The following KCNIP4 variants were observed in gnomAD, a reference collection of about 807,000 sequenced individuals.
The protein encoded by KCNIP4 is potassium voltage-gated channel interacting protein 4.
A neutral mutation model predicts 34.0 loss-of-function variants in KCNIP4; 12 were observed. That is an observed-to-expected ratio of 0.35 (90% CI 0.23 to 0.57). The LOEUF (loss-of-function observed/expected upper bound fraction) is 0.57, where lower values mean the gene tolerates loss of function less well. KCNIP4 is among the 20% of genes least tolerant of loss of function. The pLI is 0.83. For missense variants in KCNIP4, 238 were observed against 311.7 expected, an observed-to-expected ratio of 0.76 and a Z score of 1.78; for synonymous variants, 124 against 102.2, an observed-to-expected ratio of 1.21 and a Z score of -1.29.
At chr4:21,453,129 T>A (rs1271820860) in intron 1 of KCNIP4, among the ~76,000 whole-genome samples, 1 of 151,942 alleles carries the variant, frequency 6.6e-6, no homozygotes, top group Non-Finnish European at 1.5e-5. Context: ...TTCACAGGAA[T>A]GTGTGAGTCA....
intron 1 of KCNIP4, among the ~76,000 whole-genome samples, chr4:21,091,113 T>C (rs1387057186): frequency 6.6e-6 from 1 of 152,196 alleles, no homozygotes; most frequent in Admixed American, 6.5e-5. Context: ...TATTTCTCTG[T>C]CCTTGAATAC....
intron 1 of KCNIP4, among the ~76,000 whole-genome samples, chr4:21,216,981 C>A (rs143847813): frequency 1.6e-4 from 24 of 152,152 alleles, no homozygotes; most frequent in Non-Finnish European, 1.8e-4. Context: ...ACTCTGAATA[C>A]CTATTGTGAT....
chr4:21,154,768 T>G (rs993526053), intron 1 of KCNIP4, among the ~76,000 whole-genome samples: 37 of 152,208 alleles, frequency 2.4e-4, no homozygotes, highest in Admixed American at 2.2e-3. Context: ...TAAATGGAAC[T>G]CCTTCAGCTG....
intron 5 of KCNIP4, among the ~76,000 whole-genome samples, chr4:20,735,118 C>A (rs6447977): frequency 0.33 from 49,947 of 151,762 alleles, 8,664 homozygotes; most frequent in African/African-American, 0.43. Flanking sequence ...CAATGAAAAA[C>A]CGTTTGCTAA....
chr4:21,625,646 A>C (rs1745269726), intron 1 of KCNIP4, among the ~76,000 whole-genome samples: 1 of 152,194 alleles, frequency 6.6e-6, no homozygotes, highest in Non-Finnish European at 1.5e-5. Flanking sequence ...AACAAAAGCC[A>C]GGTCTGCCCT....
intron 1 of KCNIP4, among the ~76,000 whole-genome samples, chr4:21,877,768 G>A (rs527766136): frequency 3.2e-4 from 48 of 152,234 alleles, no homozygotes; most frequent in African/African-American, 1.1e-3. Context: ...GTGTTCTCTA[G>A]TCCTGCTTCT....
At chr4:21,604,809 T>C (rs115831546) in intron 1 of KCNIP4, among the ~76,000 whole-genome samples, 6 of 151,996 alleles carry the variant, frequency 3.9e-5, no homozygotes, top group Non-Finnish European at 1.5e-5. Flanking sequence ...AAAATCACTG[T>C]GGGACAAAGA....
intron 1 of KCNIP4, among the ~76,000 whole-genome samples, chr4:21,630,346 T>C (rs1263718682): frequency 2.0e-5 from 3 of 151,618 alleles, no homozygotes; most frequent in African/African-American, 7.3e-5. Context: ...ATGCCTGTCA[T>C]CCTAGCTACT....
At chr4:21,180,422 A>G (rs1754754781) in intron 1 of KCNIP4, among the ~76,000 whole-genome samples, 1 of 152,056 alleles carries the variant, frequency 6.6e-6, no homozygotes, top group South Asian at 2.1e-4. Flanking sequence ...AATATTAAAG[A>G]ATTTTTTTAT....
chr4:21,173,702 G>A (rs1346976809), intron 1 of KCNIP4, among the ~76,000 whole-genome samples: 1 of 152,150 alleles, frequency 6.6e-6, no homozygotes, highest in Non-Finnish European at 1.5e-5. Context: ...CGTGACAGTA[G>A]GTCCAGTGCT....
intron 1 of KCNIP4, among the ~76,000 whole-genome samples, chr4:21,144,254 A>G (rs188518603): frequency 9.2e-4 from 140 of 152,294 alleles, no homozygotes; most frequent in East Asian, 3.3e-3. Context: ...TCTTTGAACC[A>G]GTTGTAACAT....
At chr4:21,476,005 A>G (rs192791649) in intron 1 of KCNIP4, among the ~76,000 whole-genome samples, 444 of 152,270 alleles carry the variant, frequency 2.9e-3, no homozygotes, top group African/African-American at 0.01. Flanking sequence ...AAAGAAAAAA[A>G]TAAACTCATT....
chr4:21,918,753 T>C (rs1191350927), intron 1 of KCNIP4, among the ~76,000 whole-genome samples: 2 of 152,182 alleles, frequency 1.3e-5, no homozygotes, highest in African/African-American at 4.8e-5. Flanking sequence ...CAGTGTCCGG[T>C]CAGATCACTA....
chr4:21,322,013 G>C (rs554977670), intron 1 of KCNIP4, among the ~76,000 whole-genome samples: 2 of 145,194 alleles, frequency 1.4e-5, no homozygotes, highest in East Asian at 4.3e-4. Flanking sequence ...AGGAAGGAAG[G>C]AGGGAGGGAG....
intron 1 of KCNIP4, among the ~76,000 whole-genome samples, chr4:21,131,149 C>T (rs1018896590): frequency 7.9e-5 from 12 of 152,058 alleles, no homozygotes; most frequent in African/African-American, 2.9e-4. Context: ...AAAGCAAAAG[C>T]AATCATCAAT....
At position 21,374,102 on chromosome 4, in the gene KCNIP4, A is replaced by G. The variant is rs1720745596; in HGVS notation, c.62-491393T>C. Reference sequence around the variant, plus strand: ...AGAATTACTGTAACAATTGCAATAGAGAAAGGATTGCTACATCGATATTAA... The same window carrying G: ...AGAATTACTGTAACAATTGCAATAGGGAAAGGATTGCTACATCGATATTAA... On this transcript the variant is annotated intron_variant, in intron 1 of 8. Coordinates refer to ENST00000382152, the MANE Select transcript of KCNIP4 (RefSeq NM_025221.6). Among the ~76,000 whole-genome samples the G allele has an allele frequency of 2.0e-5, 3 of 147,594 alleles. 1 individual carries two copies. The South Asian group carries it at 6.3e-4, about 31-fold the overall frequency.
At chr4:21,496,212 C>T (rs545448192) in intron 1 of KCNIP4, among the ~76,000 whole-genome samples, 1 of 152,056 alleles carries the variant, frequency 6.6e-6, no homozygotes, top group Non-Finnish European at 1.5e-5. Context: ...GAGAGTGAGA[C>T]TACAGGTAAT....
chr4:21,157,576 A>T (rs1048999204), intron 1 of KCNIP4, among the ~76,000 whole-genome samples: 2 of 152,182 alleles, frequency 1.3e-5, no homozygotes, highest in African/African-American at 4.8e-5. Flanking sequence ...CAATTGCCCA[A>T]GCAATTATGA....
chr4:21,896,584 T>A (rs976535721), intron 1 of KCNIP4, among the ~76,000 whole-genome samples: 1 of 152,168 alleles, frequency 6.6e-6, no homozygotes. Flanking sequence ...TCATGTTAAA[T>A]ATTTTGGGCA....
Sources: allele counts gnomAD v4.1 joint callset (sites outside exome capture counted in the v4.1 genomes callset), GRCh38; gene constraint gnomAD v4.1.1; transcripts MANE v1.5; gene names NCBI Gene and HGNC (gene_info 2026-07-23, HGNC 2026-07-21).